Variants in SH3PXD2A observed in about 807,000 individuals in gnomAD.
SH3PXD2A encodes SH3 and PX domains 2A.
In SH3PXD2A, 32 loss-of-function variants were observed where a neutral mutation model predicts 115.2. The observed-to-expected ratio is 0.28, with a 90% confidence interval of 0.21 to 0.37. The LOEUF (loss-of-function observed/expected upper bound fraction) is 0.37. Ranked by LOEUF, SH3PXD2A falls within the 10% of genes least tolerant of loss-of-function variation. The pLI is 1.00. For missense variants in SH3PXD2A, 1,328 were observed against 1,498.7 expected (o/e 0.89, Z 1.88); for synonymous variants, 610 against 629.1 (o/e 0.97, Z 0.45).
chr10:103,754,483 T>C (rs2038616772), intron 3 of SH3PXD2A: 1 of 152,196 alleles, frequency 6.6e-6, no homozygotes, highest in African/African-American at 2.4e-5. Context: ...CATGCCACCC[T>C]ATCTTCAAAA....
chr10:103,636,077 C>T (rs2036859461), intron 8 of SH3PXD2A, among the ~76,000 whole-genome samples: 1 of 152,182 alleles, frequency 6.6e-6, no homozygotes, highest in African/African-American at 2.4e-5. Flanking sequence ...AAATCTCTCT[C>T]AAATTGACTG....
intron 4 of SH3PXD2A, among the ~76,000 whole-genome samples, chr10:103,734,696 C>T (rs995850026): frequency 6.6e-6 from 1 of 152,150 alleles, no homozygotes; most frequent in African/African-American, 2.4e-5. Context: ...TTACAGTGAG[C>T]CAAGATGGTG....
Position 103,760,566 on chromosome 10 carries a change from T to A in SH3PXD2A, c.229+6528A>T, listed in dbSNP as rs541802027. 3.0e-5 allele frequency among the ~76,000 whole-genome samples: 4 copies of A among 134,502 alleles called. No individual in the cohort carries two copies. The East Asian group carries it at 1.1e-3, about 37-fold the overall frequency. 88.2% of individuals were successfully genotyped at this position (134,502 alleles called of 152,430 possible). A position where few individuals can be genotyped will look rare whatever the true frequency, so the allele number is the denominator to read the frequency against. On this transcript the variant is annotated intron_variant, in intron 3 of 14. Transcript: ENST00000369774. ...GCCTGGGCAACAGAGCGAGACCCTGTCTCAAAAAGATATATATATGTATTT... is the reference window on the plus strand; with the variant it reads ...GCCTGGGCAACAGAGCGAGACCCTGACTCAAAAAGATATATATATGTATTT...
At chr10:103,853,212 G>C (rs1842912190) in intron 1 of SH3PXD2A, among the ~76,000 whole-genome samples, 1 of 152,200 alleles carries the variant, frequency 6.6e-6, no homozygotes, top group African/African-American at 2.4e-5. Flanking sequence ...GAACTGGACA[G>C]GACTTCTTTT....
chr10:103,807,191 C>T (rs2039213599), intron 1 of SH3PXD2A, among the ~76,000 whole-genome samples: 1 of 152,210 alleles, frequency 6.6e-6, no homozygotes. Flanking sequence ...ATGATTTGAT[C>T]TGGTCTGGGA....
rs781557663 is a variant in SH3PXD2A, at chr10:103,665,177, G to C, written c.472+3431C>G. On this transcript the variant is annotated intron_variant, in intron 7 of 14. Transcript: ENST00000369774. The surrounding 1 kb of genome is among the most constrained non-coding windows in gnomAD (Gnocchi z 4.0). Reference sequence around the variant, plus strand: ...GAATATGGGAAAATGAGCCAAACTCGAAGGGAGAAAGGGGAGATGGGGAAA... The same window carrying C: ...GAATATGGGAAAATGAGCCAAACTCCAAGGGAGAAAGGGGAGATGGGGAAA... Among the ~76,000 whole-genome samples, 6 of 152,306 alleles carry C rather than the reference G, an allele frequency of 3.9e-5. No individual in the cohort carries two copies. The East Asian group carries it at 1.2e-3, about 29-fold the overall frequency.
intron 2 of SH3PXD2A, among the ~76,000 whole-genome samples, chr10:103,796,648 G>C (rs1170573210): frequency 6.6e-6 from 1 of 152,070 alleles, no homozygotes; most frequent in Non-Finnish European, 1.5e-5. Flanking sequence ...GCTGCTGCCT[G>C]GGGGGCCTCA....
intron 1 of SH3PXD2A, among the ~76,000 whole-genome samples, chr10:103,808,035 T>TG (rs909717741): frequency 3.3e-5 from 5 of 151,938 alleles, no homozygotes; most frequent in Admixed American, 6.5e-5. Flanking sequence ...GGTTCTATCA[T>TG]GGGGGGGTTG....
intron 3 of SH3PXD2A, among the ~76,000 whole-genome samples, chr10:103,738,209 G>A (rs1376319464): frequency 1.3e-5 from 2 of 152,208 alleles, no homozygotes; most frequent in Non-Finnish European, 2.9e-5. Flanking sequence ...CCTCTCGAAA[G>A]GAGATAAAAC....
intron 8 of SH3PXD2A, among the ~76,000 whole-genome samples, chr10:103,637,904 G>GCTT (rs1400913544): frequency 1.3e-5 from 2 of 152,120 alleles, no homozygotes; most frequent in Non-Finnish European, 2.9e-5. Context: ...CAGAGCTAAG[G>GCTT]CTTCTGCCTT....
At chr10:103,819,405 G>C (rs1295753105) in intron 1 of SH3PXD2A, among the ~76,000 whole-genome samples, 1 of 152,130 alleles carries the variant, frequency 6.6e-6, no homozygotes, top group Non-Finnish European at 1.5e-5. Flanking sequence ...AAAAGAAACA[G>C]CATAAGCAAA....
chr10:103,613,331 A>T, intron 11 of SH3PXD2A, 141 bp from the exon 12 acceptor site: 1 of 603,940 alleles, frequency 1.7e-6, no homozygotes, highest in Non-Finnish European at 2.8e-6. Context: ...ACTACTCTGG[A>T]GAGAAATGGC....
rs1211083764 is a variant in SH3PXD2A at position 103,661,100 on chromosome 10, C to T, written c.487G>A (p.Ala163Thr). 1 of 1,613,234 alleles carries T rather than the reference C, an allele frequency of 6.2e-7. No homozygotes were observed. Among genetic ancestry groups the T allele is most frequent in the Non-Finnish European group, 8.5e-7 (1 of 1,179,560 alleles). The stretch of plus-strand genomic sequence containing the variant: ...TACTGTTCCAGGATCATGGGCTCGG[C>T]GGTGGCGTCGGCACCTGGCGAGGGC... ...KKDVTGADAT[A>T]EPMILEQYVV... is the part of the protein sequence containing the mutation. Residue 163 changes from alanine to threonine, a missense_variant, in exon 8 of 15, where the codon GCC becomes ACC. By Grantham distance (58) the Ala-to-Thr change is moderately conservative (BLOSUM62 0). This residue lies in a region of SH3PXD2A where 90 missense variants were observed against 71.1 expected (regional missense o/e 1.27). Coordinates refer to ENST00000369774, the MANE Select transcript of SH3PXD2A (RefSeq NM_001394015.1).
At chr10:103,807,161 A>G (rs4918055) in intron 1 of SH3PXD2A, among the ~76,000 whole-genome samples, 152,026 of 152,326 alleles carry the variant, frequency 1, 75,863 homozygotes, top group Middle Eastern at 1. Context: ...AGCCTAGCCC[A>G]TTTCTGTGGA....
At chr10:103,810,952 G>GCGCGCGCACACACA (rs549107444) in intron 1 of SH3PXD2A, among the ~76,000 whole-genome samples, 3 of 19,872 alleles carry the variant, frequency 1.5e-4, no homozygotes, top group African/African-American at 3.0e-4. Context: ...GCGCGCGCGC[G>GCGCGCGCACACACA]CACACACACA....
intron 5 of SH3PXD2A, among the ~76,000 whole-genome samples, chr10:103,718,594 C>T (rs946323757): frequency 3.3e-5 from 5 of 152,216 alleles, no homozygotes; most frequent in East Asian, 1.9e-4. Context: ...CTAGCAACTT[C>T]GCTTCCCCAT....
intron 8 of SH3PXD2A, among the ~76,000 whole-genome samples, chr10:103,637,682 G>T (rs1378898348): frequency 6.6e-6 from 1 of 152,158 alleles, no homozygotes; most frequent in Non-Finnish European, 1.5e-5. Flanking sequence ...TTCTTTGCTT[G>T]GTGCGGGTTT....
chr10:103,732,683 T>G (rs764800382), intron 4 of SH3PXD2A, among the ~76,000 whole-genome samples: 1 of 152,166 alleles, frequency 6.6e-6, no homozygotes, highest in South Asian at 2.1e-4. Flanking sequence ...TTGGGTGCAT[T>G]TGAATTCCCA....
intron 11 of SH3PXD2A, among the ~76,000 whole-genome samples, chr10:103,616,968 C>T (rs1025189486): frequency 3.9e-5 from 6 of 152,294 alleles, no homozygotes; most frequent in African/African-American, 9.6e-5. Flanking sequence ...CTCTGTGCCC[C>T]GCTGGCTGTG....
Sources: allele counts gnomAD v4.1 joint callset (sites outside exome capture counted in the v4.1 genomes callset), GRCh38; gene constraint gnomAD v4.1.1; regional missense constraint gnomAD v4.1.1; non-coding constraint Gnocchi (gnomAD v3.1); transcripts MANE v1.5; gene names NCBI Gene and HGNC (gene_info 2026-07-23, HGNC 2026-07-21).